The following BLMH variants were observed in gnomAD, a reference collection of about 807,000 sequenced individuals.
The protein encoded by BLMH is bleomycin hydrolase, also known as BLM hydrolase.
In BLMH, 32 loss-of-function variants were observed where a neutral mutation model predicts 61.6. The ratio of observed to expected loss-of-function variants is 0.52; its 90% CI spans 0.39 to 0.70. The LOEUF is 0.70. Among genes scored for constraint, BLMH ranks in the 30% least tolerant of loss-of-function variants. The probability of loss-of-function intolerance (pLI) is 0.00; values close to 1 mark genes in which losing one functional copy is unlikely to be tolerated. For synonymous variants in BLMH, 183 were observed against 193.8 expected (o/e 0.94, Z 0.46); for missense variants, 460 against 555.5 (o/e 0.83, Z 1.73).
In BLMH at chr17:30,249,223, A is replaced by C; in HGVS notation, c.1217-55T>G. On this transcript the variant is annotated intron_variant, in intron 11 of 11. Coordinates refer to ENST00000261714, the MANE Select transcript of BLMH (RefSeq NM_000386.4). ...CCAGAGGGCAAGGGACAAAGAGCAG[A>C]AACCCTTTTTGTAGGATAAACCTTT... is the stretch of plus-strand genomic sequence containing the variant. The C allele has an allele frequency of 2.5e-6, 4 of 1,576,226 alleles. No individual in the cohort carries two copies. The South Asian group carries it at 3.4e-5, about 14-fold the overall frequency.
chr17:30,257,073 G>C (rs112699332), intron 11 of BLMH, among the ~76,000 whole-genome samples: 2,542 of 152,262 alleles, frequency 0.017, 32 homozygotes, highest in Non-Finnish European at 0.023. Context: ...TCATTTCTGG[G>C]ACTTCATCCT....
rs752080864 is a variant in BLMH at position 30,272,770 on chromosome 17, T to C, written c.931A>G (p.Met311Val). 7.4e-6 allele frequency: 12 copies of C among 1,614,042 alleles called. No individual in the cohort carries two copies. In the South Asian group the frequency reaches 7.7e-5, roughly 10 times the overall value. ...NNQPIDFLKK[M>V]VAASIKDGEA... is the part of the protein sequence containing the mutation. ...CCATCTTTGATGGAGGCAGCAACCA[T>C]CTTTTTCAGGAAGTCAATGGGCTGG... Residue 311 changes from methionine to valine, a missense_variant, in exon 8 of 12, where the codon ATG becomes GTG. Around this residue, in one of 5 missense-constraint regions of BLMH, gnomAD observed 310 missense variants for 371.1 expected, o/e 0.84. Coordinates refer to ENST00000261714, the MANE Select transcript of BLMH (RefSeq NM_000386.4).
intron 5 of BLMH, 55 bp from the exon 6 acceptor site, chr17:30,285,535 G>T: frequency 7.2e-7 from 1 of 1,393,026 alleles, no homozygotes; most frequent in Non-Finnish European, 1.0e-6. Flanking sequence ...AATTGTAAAT[G>T]ACTCTCATAG....
In BLMH at chr17:30,287,818, C is replaced by G; in HGVS notation, c.451G>C (p.Val151Leu). The stretch of plus-strand genomic sequence containing the variant: ...AAAGAACTTTTACCAACAATATTAA[C>G]AAGCATATCCCATTGGCCACCATCA... ...ANDGGQWDMLVNIVEKYGVIP... is the reference protein window; with the variant it reads ...ANDGGQWDMLLNIVEKYGVIP... The change falls in exon 4 of 12, where the codon GTT (valine) becomes CTT (leucine). Residue 151 changes from valine to leucine, a missense_variant. By Grantham distance (32) the Val-to-Leu change is conservative (BLOSUM62 1). Coordinates refer to ENST00000261714, the MANE Select transcript of BLMH (RefSeq NM_000386.4). The G allele has an allele frequency of 6.2e-7, 1 of 1,613,820 alleles. No homozygotes were observed. The highest frequency in any genetic ancestry group is 1.1e-5 in the South Asian group (1 of 90,988).
At chr17:30,287,974 AT>A (rs1908776522) in intron 3 of BLMH, 27 bp from the exon 4 acceptor site, 1 of 1,586,794 alleles carries the variant, frequency 6.3e-7, no homozygotes, top group Non-Finnish European at 8.6e-7. Context: ...GTTAAATAAC[AT>A]TAAAAGAAAA....
intron 9 of BLMH, 52 bp downstream of exon 9, chr17:30,272,509 C>T (rs940183673): frequency 1.2e-6 from 2 of 1,600,478 alleles, no homozygotes; most frequent in Non-Finnish European, 1.7e-6. Flanking sequence ...ACAGCACACT[C>T]CAACAGCAAC....
rs561536911 is a variant in BLMH, at chr17:30,252,745, C to A, written c.1217-3577G>T. ...GAATGCACTCTTGTCTCCTGATAAG[C>A]TGGCCTCCTGGATCCAGGGCCCCTA... On this transcript the variant is annotated intron_variant, in intron 11 of 11. Coordinates refer to ENST00000261714, the MANE Select transcript of BLMH (RefSeq NM_000386.4). Among the ~76,000 whole-genome samples the A allele has an allele frequency of 1.7e-4, 26 of 152,188 alleles. No homozygotes were observed. In the South Asian group the frequency reaches 3.7e-3, roughly 22 times the overall value.
intron 1 of BLMH, 101 bp from the exon 2 acceptor site, chr17:30,291,609 T>TG: frequency 6.7e-7 from 1 of 1,485,862 alleles, no homozygotes; most frequent in South Asian, 1.2e-5. Flanking sequence ...CATCCTGGGG[T>TG]GCCCGCTGCA....
chr17:30,291,577 C>A (rs747369910), intron 1 of BLMH, 69 bp from the exon 2 acceptor site: 2 of 1,574,158 alleles, frequency 1.3e-6, no homozygotes, highest in Non-Finnish European at 8.7e-7. Context: ...GCTCCCGCGT[C>A]CCGAATCTAA....
At chr17:30,259,383 T>C (rs75946180) in intron 11 of BLMH, among the ~76,000 whole-genome samples, 2 of 152,194 alleles carry the variant, frequency 1.3e-5, no homozygotes, top group Non-Finnish European at 2.9e-5. Flanking sequence ...CTGTCTGCTC[T>C]GCTGTTCCAC....
At position 30,289,430 on chromosome 17, in the gene BLMH, T is replaced by G; in HGVS notation, c.264A>C (p.Lys88Asn). 1 of 1,612,858 alleles carries G rather than the reference T, an allele frequency of 6.2e-7. No homozygotes were observed. Among genetic ancestry groups the G allele is most frequent in the Non-Finnish European group, 8.5e-7 (1 of 1,179,336 alleles). ...CLNVMRLPFM[K>N]KLNIEEFEFS... ...ACTCAAATTCTTCAATATTTAACTT[T>G]TTCATGAATGGAAGCCTCATAACAT... The change falls in exon 3 of 12, where the codon AAA (lysine) becomes AAC (asparagine). Residue 88 changes from lysine to asparagine, a missense_variant. Transcript: ENST00000261714.
intron 6 of BLMH, among the ~76,000 whole-genome samples, chr17:30,284,109 G>C (rs548498774): frequency 8.7e-4 from 133 of 152,254 alleles, no homozygotes; most frequent in African/African-American, 3.1e-3. Context: ...TGACTCCAAA[G>C]CCTATTTTTT....
At chr17:30,266,855 C>G in intron 11 of BLMH, 30 bp downstream of exon 11, 2 of 1,603,096 alleles carry the variant, frequency 1.2e-6, no homozygotes, top group South Asian at 2.2e-5. Flanking sequence ...GCCCAGTCAC[C>G]TGGAGTTAGT....
At chr17:30,269,990 A>G (rs1171049118) in intron 10 of BLMH, among the ~76,000 whole-genome samples, 1 of 152,212 alleles carries the variant, frequency 6.6e-6, no homozygotes, top group Non-Finnish European at 1.5e-5. Flanking sequence ...TGGGGTTGAA[A>G]GGGCACCCTT....
chr17:30,283,671 A>G (rs1450871405), intron 6 of BLMH, among the ~76,000 whole-genome samples: 5 of 151,768 alleles, frequency 3.3e-5, no homozygotes, highest in Admixed American at 1.3e-4. Flanking sequence ...ACAGGCGCAT[A>G]CCACCACGCC....
At chr17:30,282,585 T>C (rs1908622705) in intron 6 of BLMH, among the ~76,000 whole-genome samples, 1 of 152,186 alleles carries the variant, frequency 6.6e-6, no homozygotes, top group African/African-American at 2.4e-5. Context: ...AACATTGCAA[T>C]AGAGGTAACT....
chr17:30,260,355 C>T (rs552331361), intron 11 of BLMH, among the ~76,000 whole-genome samples: 23 of 152,338 alleles, frequency 1.5e-4, no homozygotes, highest in South Asian at 4.1e-4. Context: ...CAAAACTCTA[C>T]ATTCAATATG....
chr17:30,260,738 C>A (rs1907935126), intron 11 of BLMH, among the ~76,000 whole-genome samples: 1 of 152,022 alleles, frequency 6.6e-6, no homozygotes, highest in South Asian at 2.1e-4. Flanking sequence ...AAAAAATTAG[C>A]TGGGCATGGT....
intron 10 of BLMH, among the ~76,000 whole-genome samples, chr17:30,269,237 G>A (rs1374747353): frequency 6.8e-6 from 1 of 147,760 alleles, no homozygotes; most frequent in Non-Finnish European, 1.5e-5. Context: ...GAGTGCAGTG[G>A]TGCAATCTTG....
Sources: allele counts gnomAD v4.1 joint callset (sites outside exome capture counted in the v4.1 genomes callset), GRCh38; gene constraint gnomAD v4.1.1; regional missense constraint gnomAD v4.1.1; transcripts MANE v1.5; gene names NCBI Gene and HGNC (gene_info 2026-07-23, HGNC 2026-07-21).